The following CALCRL variants were observed in gnomAD, a reference collection of about 807,000 sequenced individuals.
CALCRL encodes calcitonin gene-related peptide type 1 receptor.
CALCRL carries 27 observed loss-of-function variants against 60.4 expected under a neutral mutation model. The ratio of observed to expected loss-of-function variants is 0.45; its 90% CI spans 0.33 to 0.62. CALCRL has a LOEUF of 0.62. CALCRL is among the 20% of genes least tolerant of loss of function. The pLI, the probability that CALCRL is intolerant of heterozygous loss-of-function variation, is 0.03. For missense variants in CALCRL, 424 were observed against 540.7 expected, an observed-to-expected ratio of 0.78 and a Z score of 2.14; for synonymous variants, 190 against 182.6, an observed-to-expected ratio of 1.04 and a Z score of -0.33.
At chr2:187,400,523 C>A (rs1688844667) in intron 1 of CALCRL, among the ~76,000 whole-genome samples, 2 of 151,262 alleles carry the variant, frequency 1.3e-5, no homozygotes, top group South Asian at 4.2e-4. Context: ...AGCAATTCCA[C>A]TTTTAGTTAT....
chr2:187,360,541 A>G, intron 10 of CALCRL, 57 bp downstream of exon 10: 1 of 1,433,880 alleles, frequency 7.0e-7, no homozygotes, highest in Non-Finnish European at 9.4e-7. Flanking sequence ...GGAACCTGGC[A>G]TCCTCCAAAG....
chr2:187,351,010 G>GT (rs1328740052), intron 14 of CALCRL, among the ~76,000 whole-genome samples: 14 of 3,140 alleles, frequency 4.5e-3, no homozygotes, highest in East Asian at 5.8e-3. Context: ...TGTTGGCTGG[G>GT]CGCGGTGGCT....
At chr2:187,389,355 G>A (rs1688341243) in intron 1 of CALCRL, among the ~76,000 whole-genome samples, 1 of 152,058 alleles carries the variant, frequency 6.6e-6, no homozygotes. Flanking sequence ...TTACAAGTGT[G>A]AGCCACCGTG....
chr2:187,405,774 A>G (rs574107121), intron 1 of CALCRL, among the ~76,000 whole-genome samples: 1 of 152,204 alleles, frequency 6.6e-6, no homozygotes, highest in East Asian at 1.9e-4. Context: ...AGTAAGAAAG[A>G]AAAGCTTGCA....
At position 187,374,853 on chromosome 2, in the gene CALCRL, A is replaced by AAC. The variant is rs548451260; in HGVS notation, c.500+4085_500+4086dup. 3.8e-3 allele frequency among the ~76,000 whole-genome samples: 584 copies of AAC among 151,784 alleles called. 6 individuals carry two copies. Among genetic ancestry groups the AAC allele is most frequent in the African/African-American group, 0.013 (549 of 41,404 alleles). On this transcript the variant is annotated intron_variant, in intron 8 of 14. Transcript: ENST00000392370. ...TTCAATAACATCATGACCCACTGTA[A>AAC]ACACACACACACACATCCCTGGGGC...
At chr2:187,356,623 G>A (rs858753) in intron 12 of CALCRL, among the ~76,000 whole-genome samples, 132,257 of 152,210 alleles carry the variant, frequency 0.87, 57,677 homozygotes, top group African/African-American at 0.91. Flanking sequence ...AAAACACTAA[G>A]AGCAATGGCA....
At chr2:187,379,477 T>C (rs535747806) in intron 7 of CALCRL, among the ~76,000 whole-genome samples, 8 of 152,158 alleles carry the variant, frequency 5.3e-5, no homozygotes, top group Non-Finnish European at 1.2e-4. Context: ...AATTTGAAGC[T>C]CAGAGACAAA....
At chr2:187,432,870 GACTT>G (rs1340896277) in intron 1 of CALCRL, among the ~76,000 whole-genome samples, 1 of 152,034 alleles carries the variant, frequency 6.6e-6, no homozygotes, top group African/African-American at 2.4e-5. Context: ...AATACACAAA[GACTT>G]ACGAGTGTGT....
chr2:187,438,522 C>G (rs1007112132), intron 1 of CALCRL, among the ~76,000 whole-genome samples: 5 of 151,948 alleles, frequency 3.3e-5, no homozygotes, highest in Admixed American at 1.3e-4. Context: ...TTTTCTTTCC[C>G]TCAATTTCAT....
intron 5 of CALCRL, among the ~76,000 whole-genome samples, chr2:187,381,846 G>A (rs1022495376): frequency 2.6e-5 from 4 of 152,070 alleles, no homozygotes; most frequent in Admixed American, 1.3e-4. Flanking sequence ...AGGCAATATC[G>A]GCATTTATCT....
At chr2:187,388,478 C>T (rs1376155346) in intron 1 of CALCRL, among the ~76,000 whole-genome samples, 2 of 151,896 alleles carry the variant, frequency 1.3e-5, no homozygotes, top group East Asian at 1.9e-4. Context: ...CACATTTCAC[C>T]TGGAAATGTG....
chr2:187,403,609 G>T (rs1029498414), intron 1 of CALCRL, among the ~76,000 whole-genome samples: 1 of 151,902 alleles, frequency 6.6e-6, no homozygotes, highest in African/African-American at 2.4e-5. Flanking sequence ...TGGATAAAGG[G>T]CAGAGTTTGC....
rs375321195 is a variant in CALCRL at position 187,363,542 on chromosome 2, TG to T, written c.501-41del. On this transcript the variant is annotated intron_variant, in intron 8 of 14. Coordinates refer to ENST00000392370, the MANE Select transcript of CALCRL (RefSeq NM_005795.6). ...AAACAAGTGTGTTGACATCATGAAA[TG>T]TTTTTTTATTAATCATTATTCAAAT... 1.1e-3 allele frequency: 1,748 copies of T among 1,527,850 alleles called. 6 individuals carry two copies. Among genetic ancestry groups the T allele is most frequent in the African/African-American group, 5.0e-3 (357 of 71,112 alleles). 94.6% of individuals were successfully genotyped at this position (1,527,850 alleles called of 1,614,324 possible).
intron 1 of CALCRL, among the ~76,000 whole-genome samples, chr2:187,408,306 T>G (rs542288344): frequency 6.6e-6 from 1 of 152,182 alleles, no homozygotes; most frequent in East Asian, 1.9e-4. Context: ...GGATTTTGTT[T>G]TCAGCTAGGG....
chr2:187,361,662 T>C (rs945046490), intron 9 of CALCRL, among the ~76,000 whole-genome samples: 2 of 151,936 alleles, frequency 1.3e-5, no homozygotes, highest in African/African-American at 4.8e-5. Context: ...TACTTTTACA[T>C]ATATTGTTTT....
At chr2:187,358,597 A>T (rs1270255367) in intron 12 of CALCRL, among the ~76,000 whole-genome samples, 1 of 151,010 alleles carries the variant, frequency 6.6e-6, no homozygotes, top group Non-Finnish European at 1.5e-5. Context: ...CTTCACCCAG[A>T]CTTCCTTGCC....
intron 8 of CALCRL, among the ~76,000 whole-genome samples, chr2:187,377,723 G>C (rs1393717088): frequency 2.0e-5 from 3 of 152,050 alleles, no homozygotes. Context: ...GTCGAAAATA[G>C]AGAATTGATA....
chr2:187,427,157 A>G (rs998182135), intron 1 of CALCRL, among the ~76,000 whole-genome samples: 2 of 152,094 alleles, frequency 1.3e-5, no homozygotes, highest in Non-Finnish European at 2.9e-5. Flanking sequence ...GTGAAAAGAG[A>G]AGTGGAAAAG....
intron 14 of CALCRL, 24 bp downstream of exon 14, chr2:187,351,896 A>G (rs771580105): frequency 5.7e-6 from 8 of 1,411,064 alleles, no homozygotes; most frequent in Non-Finnish European, 7.9e-6. Context: ...AAAATAATAG[A>G]AGGAATAAAA....
Sources: allele counts gnomAD v4.1 joint callset (sites outside exome capture counted in the v4.1 genomes callset), GRCh38; gene constraint gnomAD v4.1.1; transcripts MANE v1.5; gene names NCBI Gene and HGNC (gene_info 2026-07-23, HGNC 2026-07-21).